PCDHA6: variants seen among roughly 807,000 people sequenced by gnomAD.
PCDHA6 encodes the protein protocadherin alpha 6.
PCDHA6 carries 55 observed loss-of-function variants against 60.3 expected under a neutral mutation model. The ratio of observed to expected loss-of-function variants is 0.91; its 90% CI spans 0.73 to 1.14. The LOEUF (loss-of-function observed/expected upper bound fraction) is 1.14, where lower values mean the gene tolerates loss of function less well. PCDHA6 is among the 50% of genes most tolerant of loss of function. The pLI, the probability that PCDHA6 is intolerant of heterozygous loss-of-function variation, is 0.00. For synonymous variants in PCDHA6, 652 were observed against 557.9 expected (o/e 1.17, Z -2.38); for missense variants, 1,327 against 1,256.5 (o/e 1.06, Z -0.85).
At chr5:140,869,377 C>A (rs1055077118) in intron 1 of PCDHA6, 2 of 1,614,110 alleles carry the variant, frequency 1.2e-6, no homozygotes, top group Non-Finnish European at 8.5e-7. Context: ...TCGGATCGAC[C>A]GCGAGGAGCT....
intron 1 of PCDHA6, among the ~76,000 whole-genome samples, chr5:140,915,092 C>T (rs781958993): frequency 9.2e-5 from 14 of 151,760 alleles, no homozygotes; most frequent in East Asian, 1.9e-4. Context: ...ACTATGGGCA[C>T]GCACCACCAC....
At chr5:141,005,303 A>T (rs2098205194) in intron 3 of PCDHA6, among the ~76,000 whole-genome samples, 2 of 152,212 alleles carry the variant, frequency 1.3e-5, no homozygotes, top group Non-Finnish European at 2.9e-5. Context: ...TGCCTTTGTG[A>T]ATCTTACAGT....
In PCDHA6 at chr5:140,829,918, T is replaced by A; in HGVS notation, c.1827T>A (p.Tyr609Ter). ...ADSGYNAWLSYELQPPASSAR... is the reference protein window; with the variant it reads ...ADSGYNAWLS ...CAGGCTACAACGCGTGGCTTTCGTA[T>A]GAGCTGCAGCCCCCGGCAAGCAGCG... Residue 609 changes from tyrosine to a stop codon, truncating the protein, a stop_gained, in exon 1 of 4, where the codon TAT becomes TAA. Transcript: ENST00000529310. LOFTEE classifies it high-confidence loss of function. 6.2e-7 allele frequency: 1 copy of A among 1,613,992 alleles called. No individual in the cohort carries two copies. Among genetic ancestry groups the A allele is most frequent in the Non-Finnish European group, 8.5e-7 (1 of 1,179,904 alleles).
chr5:140,895,772 C>T (rs1554186642), intron 1 of PCDHA6, among the ~76,000 whole-genome samples: 1 of 152,072 alleles, frequency 6.6e-6, no homozygotes, highest in Non-Finnish European at 1.5e-5. Flanking sequence ...TTTATGGCTG[C>T]ATAGTATTCA....
intron 1 of PCDHA6, among the ~76,000 whole-genome samples, chr5:140,831,520 CTTTTT>C (rs2150195630): frequency 0.11 from 13,870 of 122,344 alleles, 1,092 homozygotes; most frequent in African/African-American, 0.22. Flanking sequence ...TGCCCCCCAC[CTTTTT>C]TTTTTTTTTT....
At position 140,994,426 on chromosome 5, in the gene PCDHA6, G is replaced by A. The variant is rs994056098; in HGVS notation, c.2542+11863G>A. Among the ~76,000 whole-genome samples the A allele has an allele frequency of 3.9e-5, 6 of 152,110 alleles. No homozygotes were observed. In the East Asian group the frequency reaches 1.2e-3, roughly 29 times the overall value. ...CATTTAATACTGGATATTGAGGCCG[G>A]GCGCAGTGGCTCACACCTGTGATCC... On this transcript the variant is annotated intron_variant, in intron 3 of 3. Coordinates refer to ENST00000529310, the MANE Select transcript of PCDHA6 (RefSeq NM_018909.4).
At chr5:140,862,800 G>T (rs782261222) in intron 1 of PCDHA6, 1 of 575,550 alleles carries the variant, frequency 1.7e-6, no homozygotes, top group African/African-American at 2.0e-5. Flanking sequence ...AGGAGCTGGA[G>T]CTGCTGCAGT....
At chr5:140,974,614 C>T (rs757071183) in intron 1 of PCDHA6, among the ~76,000 whole-genome samples, 3 of 152,070 alleles carry the variant, frequency 2.0e-5, no homozygotes, top group East Asian at 1.9e-4. Context: ...AGGGTTCAAG[C>T]GATTCTCCTG....
At chr5:140,956,622 C>T (rs1438482570) in intron 1 of PCDHA6, among the ~76,000 whole-genome samples, 2 of 152,008 alleles carry the variant, frequency 1.3e-5, no homozygotes, top group African/African-American at 4.8e-5. Context: ...CTTTTTGTTG[C>T]ATCTCTGCCA....
At chr5:140,902,668 G>C (rs1385644848) in intron 1 of PCDHA6, among the ~76,000 whole-genome samples, 3 of 152,126 alleles carry the variant, frequency 2.0e-5, no homozygotes, top group African/African-American at 7.2e-5. Context: ...CACCCAAGCA[G>C]TGTACACCGT....
At chr5:140,923,185 A>G (rs536691139) in intron 1 of PCDHA6, among the ~76,000 whole-genome samples, 1 of 152,324 alleles carries the variant, frequency 6.6e-6, no homozygotes, top group East Asian at 1.9e-4. Flanking sequence ...AGATGCATCT[A>G]CTGCAGCAAT....
chr5:140,968,807 G>C (rs1327580375), intron 1 of PCDHA6: 1 of 1,614,178 alleles, frequency 6.2e-7, no homozygotes, highest in Non-Finnish European at 8.5e-7. Flanking sequence ...AGTAGCTGTG[G>C]TGGATAGGGT....
At chr5:140,850,403 C>T (rs1554144277) in intron 1 of PCDHA6, 5 of 1,597,838 alleles carry the variant, frequency 3.1e-6, no homozygotes, top group African/African-American at 2.7e-5. Flanking sequence ...CAACGCGTGC[C>T]CTGGACGAAA....
At chr5:140,830,537 G>A (rs2150187557) in intron 1 of PCDHA6, 52 bp downstream of exon 1, 1 of 1,226,140 alleles carries the variant, frequency 8.2e-7, no homozygotes, top group Non-Finnish European at 1.1e-6. Flanking sequence ...ATTTATAATT[G>A]TTTTCCTCAT....
intron 1 of PCDHA6, chr5:140,841,865 G>C: frequency 1.2e-6 from 2 of 1,613,856 alleles, no homozygotes; most frequent in Non-Finnish European, 1.7e-6. Flanking sequence ...CATGCTAGAT[G>C]TGAATTCAAA....
intron 1 of PCDHA6, among the ~76,000 whole-genome samples, chr5:140,880,091 C>A (rs925970617): frequency 6.6e-6 from 1 of 152,106 alleles, no homozygotes; most frequent in African/African-American, 2.4e-5. Context: ...TTATAGTAGG[C>A]TTAAAATCAT....
Position 140,843,003 on chromosome 5 carries a change from A to G in PCDHA6, c.2394+12518A>G, listed in dbSNP as rs2150349772. 1.9e-6 allele frequency: 3 copies of G among 1,594,854 alleles called. No individual in the cohort carries two copies. The African/African-American group carries it at 4.0e-5, about 21-fold the overall frequency. On this transcript the variant is annotated intron_variant, in intron 1 of 3. Coordinates refer to ENST00000529310, the MANE Select transcript of PCDHA6 (RefSeq NM_018909.4). ...GTGTTCGTGCTGGACGAGAATGACAACGCGCCGGCACTGCTGGAGCCTCGG... is the reference window on the plus strand; with the variant it reads ...GTGTTCGTGCTGGACGAGAATGACAGCGCGCCGGCACTGCTGGAGCCTCGG...
chr5:140,891,270 C>T (rs1049558993), intron 1 of PCDHA6, among the ~76,000 whole-genome samples: 1 of 151,570 alleles, frequency 6.6e-6, no homozygotes, highest in East Asian at 1.9e-4. Context: ...TTAATTTTTC[C>T]GTAAGTTATT....
chr5:140,830,441 G>A lies in PCDHA6; in HGVS notation c.2350G>A (p.Gly784Ser), dbSNP rs2150186537. ...PSLSPCPIMM[G>S]KAENQDLNED... ...CCTTTCACCTTGTCCTATTATGATG[G>A]GTAAGGCGGAGAATCAGGATTTAAA... Residue 784 changes from glycine to serine, a missense_variant, in exon 1 of 4, where the codon GGT becomes AGT. By Grantham distance (56) the Gly-to-Ser change is moderately conservative (BLOSUM62 0). Coordinates refer to ENST00000529310, the MANE Select transcript of PCDHA6 (RefSeq NM_018909.4). 1 of 1,608,224 alleles carries A rather than the reference G, an allele frequency of 6.2e-7. No homozygotes were observed. The highest frequency in any genetic ancestry group is 1.1e-5 in the South Asian group (1 of 90,498).
Sources: allele counts gnomAD v4.1 joint callset (sites outside exome capture counted in the v4.1 genomes callset), GRCh38; gene constraint gnomAD v4.1.1; transcripts MANE v1.5; gene names NCBI Gene and HGNC (gene_info 2026-07-23, HGNC 2026-07-21).